Variants in SLC8A1 observed in about 807,000 individuals in gnomAD.
SLC8A1 encodes the protein solute carrier family 8 member A1.
Under a neutral mutation model 68.3 loss-of-function variants are expected in SLC8A1, and 18 were observed. That is an observed-to-expected ratio of 0.26 (90% confidence interval 0.18 to 0.39). The LOEUF is 0.39. Ranked by LOEUF, SLC8A1 falls within the 10% of genes least tolerant of loss-of-function variation. The pLI, the probability that SLC8A1 is intolerant of heterozygous loss-of-function variation, is 1.00. For synonymous variants in SLC8A1, 475 were observed against 415.5 expected (o/e 1.14, Z -1.74); for missense variants, 985 against 1,156.7 (o/e 0.85, Z 2.15).
chr2:40,393,794 A>G (rs1686039712), intron 2 of SLC8A1, among the ~76,000 whole-genome samples: 1 of 152,186 alleles, frequency 6.6e-6, no homozygotes, highest in African/African-American at 2.4e-5. Flanking sequence ...GTCATAAAAG[A>G]GCCAAACTGG....
chr2:40,372,405 T>C (rs564557875), intron 2 of SLC8A1, among the ~76,000 whole-genome samples: 8 of 152,106 alleles, frequency 5.3e-5, no homozygotes, highest in Non-Finnish European at 1.0e-4. Flanking sequence ...CGTGACACTT[T>C]CCTTTTTAAG....
At chr2:40,397,356 C>A (rs746514145) in intron 2 of SLC8A1, among the ~76,000 whole-genome samples, 1 of 152,164 alleles carries the variant, frequency 6.6e-6, no homozygotes, top group Non-Finnish European at 1.5e-5. Flanking sequence ...AATTCAGAGG[C>A]AGTTCCAACA....
intron 1 of SLC8A1, among the ~76,000 whole-genome samples, chr2:40,438,514 T>C (rs1015400778): frequency 1.3e-5 from 2 of 152,146 alleles, no homozygotes; most frequent in Admixed American, 6.6e-5. Context: ...GCAAATATGA[T>C]TGACACGTGG....
intron 2 of SLC8A1, among the ~76,000 whole-genome samples, chr2:40,303,909 C>A (rs1453316329): frequency 6.6e-6 from 1 of 152,154 alleles, no homozygotes. Flanking sequence ...CCACCACAGT[C>A]TGGGCAGCAG....
intron 2 of SLC8A1, among the ~76,000 whole-genome samples, chr2:40,311,542 A>G (rs536822037): frequency 3.9e-5 from 6 of 152,234 alleles, no homozygotes; most frequent in South Asian, 4.1e-4. Flanking sequence ...ATAGAAGAAC[A>G]TTTAAAATTT....
At chr2:40,270,729 G>A (rs2065921006) in intron 2 of SLC8A1, among the ~76,000 whole-genome samples, 2 of 152,182 alleles carry the variant, frequency 1.3e-5, no homozygotes, top group African/African-American at 4.8e-5. Flanking sequence ...AGATACACAG[G>A]TTCTGGGAAT....
At chr2:40,185,546 C>A (rs960955440) in intron 2 of SLC8A1, among the ~76,000 whole-genome samples, 1 of 152,022 alleles carries the variant, frequency 6.6e-6, no homozygotes, top group Non-Finnish European at 1.5e-5. Context: ...ATAGGCAAAT[C>A]CAGAGACAGA....
intron 2 of SLC8A1, among the ~76,000 whole-genome samples, chr2:40,328,407 T>A (rs1427714845): frequency 6.6e-6 from 1 of 152,160 alleles, no homozygotes; most frequent in Non-Finnish European, 1.5e-5. Flanking sequence ...TTCTTTCTTT[T>A]AAATTCATCT....
rs916377039 is a variant in SLC8A1 at position 40,260,609 on chromosome 2, A to G, written c.1809-82754T>C. Among the ~76,000 whole-genome samples the G allele has an allele frequency of 5.3e-5, 8 of 152,346 alleles. No homozygotes were observed. In the South Asian group the frequency reaches 1.2e-3, roughly 24 times the overall value. On this transcript the variant is annotated intron_variant, in intron 2 of 7. Coordinates refer to ENST00000406785, the Ensembl canonical transcript of SLC8A1. ...TACCCACAGTCACTGGAGGAGAGGT[A>G]ATAGGAATTCAAGCTTCCAGTAAAG... is the stretch of plus-strand genomic sequence containing the variant.
intron 2 of SLC8A1, among the ~76,000 whole-genome samples, chr2:40,410,616 T>C (rs1316830663): frequency 6.6e-6 from 1 of 152,152 alleles, no homozygotes; most frequent in Non-Finnish European, 1.5e-5. Flanking sequence ...ATGTATAACA[T>C]GATATTTTGA....
intron 2 of SLC8A1, among the ~76,000 whole-genome samples, chr2:40,280,046 T>G (rs1389477076): frequency 6.6e-6 from 1 of 152,140 alleles, no homozygotes; most frequent in African/African-American, 2.4e-5. Flanking sequence ...TGGAGTACAC[T>G]GAATACCATA....
intron 2 of SLC8A1, among the ~76,000 whole-genome samples, chr2:40,397,053 G>A (rs1383066219): frequency 6.6e-6 from 1 of 152,182 alleles, no homozygotes; most frequent in East Asian, 1.9e-4. Context: ...TCAGTGCTCT[G>A]TGCAAAGAGT....
At chr2:40,490,264 AG>A (rs1460280566) in intron 1 of SLC8A1, among the ~76,000 whole-genome samples, 1 of 152,134 alleles carries the variant, frequency 6.6e-6, no homozygotes, top group Non-Finnish European at 1.5e-5. Flanking sequence ...TGGCAAGATA[AG>A]TTTCTTGTTA....
chr2:40,148,802 G>A (rs1245531647), intron 6 of SLC8A1, among the ~76,000 whole-genome samples: 3 of 152,192 alleles, frequency 2.0e-5, no homozygotes, highest in Non-Finnish European at 4.4e-5. Flanking sequence ...AGTAAACTTA[G>A]TTTTGGCTTG....
intron 1 of SLC8A1, among the ~76,000 whole-genome samples, chr2:40,489,926 C>A (rs1705207211): frequency 6.6e-6 from 1 of 152,044 alleles, no homozygotes; most frequent in Non-Finnish European, 1.5e-5. Flanking sequence ...GATTTTACAA[C>A]CTGATATGAA....
chr2:40,301,731 T>C (rs1273416729), intron 2 of SLC8A1, among the ~76,000 whole-genome samples: 1 of 152,180 alleles, frequency 6.6e-6, no homozygotes, highest in Non-Finnish European at 1.5e-5. Context: ...TCCTTATCCA[T>C]AAAATTCTTT....
intron 2 of SLC8A1, among the ~76,000 whole-genome samples, chr2:40,361,077 GAA>G (rs1405774331): frequency 1.3e-5 from 2 of 152,130 alleles, no homozygotes; most frequent in African/African-American, 4.8e-5. Flanking sequence ...ATAGAGTAGA[GAA>G]AAGAGGTGAA....
intron 2 of SLC8A1, among the ~76,000 whole-genome samples, chr2:40,217,948 G>A (rs1198255033): frequency 6.6e-6 from 1 of 151,910 alleles, no homozygotes; most frequent in African/African-American, 2.4e-5. Flanking sequence ...TAAAATAGCT[G>A]TGGTAAACAG....
chr2:40,351,283 C>T (rs1283615070), intron 2 of SLC8A1, among the ~76,000 whole-genome samples: 1 of 152,102 alleles, frequency 6.6e-6, no homozygotes, highest in Admixed American at 6.6e-5. Context: ...AGATTTGAAA[C>T]ATGCCATGGA....
Sources: allele counts gnomAD v4.1 joint callset (sites outside exome capture counted in the v4.1 genomes callset), GRCh38; gene constraint gnomAD v4.1.1; transcripts MANE v1.5; gene names NCBI Gene and HGNC (gene_info 2026-07-23, HGNC 2026-07-21).